MYO1E: variants seen among roughly 807,000 people sequenced by gnomAD.
MYO1E encodes the protein unconventional myosin-Ie.
Under a neutral mutation model 151.1 loss-of-function variants are expected in MYO1E, and 68 were observed. That is an observed-to-expected ratio of 0.45 (90% CI 0.37 to 0.55). The LOEUF is 0.55. Among genes scored for constraint, MYO1E ranks in the 20% least tolerant of loss-of-function variants. The pLI, the probability that MYO1E is intolerant of heterozygous loss-of-function variation, is 0.00. For missense variants in MYO1E, 1,363 were observed against 1,389.3 expected (o/e 0.98, Z 0.30); for synonymous variants, 601 against 501.7 (o/e 1.20, Z -2.64).
At chr15:59,181,673 C>G (rs1036148862) in intron 18 of MYO1E, among the ~76,000 whole-genome samples, 1 of 152,232 alleles carries the variant, frequency 6.6e-6, no homozygotes, top group Non-Finnish European at 1.5e-5. Flanking sequence ...CGAACACACA[C>G]TAAACACACA....
chr15:59,287,851 T>C (rs1232864413), intron 1 of MYO1E, among the ~76,000 whole-genome samples: 3 of 152,208 alleles, frequency 2.0e-5, no homozygotes, highest in African/African-American at 7.2e-5. Context: ...CGGGATAGAC[T>C]CTGGCCACCT....
At chr15:59,306,850 T>G (rs747723) in intron 1 of MYO1E, among the ~76,000 whole-genome samples, 21,818 of 152,228 alleles carry the variant, frequency 0.14, 2,377 homozygotes, top group African/African-American at 0.3. Context: ...TTGCTCATGA[T>G]GTCATTCATC....
At chr15:59,312,858 AAATAAT>A (rs35710505) in intron 1 of MYO1E, among the ~76,000 whole-genome samples, 4 of 150,638 alleles carry the variant, frequency 2.7e-5, no homozygotes, top group African/African-American at 7.3e-5. Flanking sequence ...ACTCTACTAA[AAATAAT>A]AATAATAATA....
chr15:59,326,263 T>C (rs1426799143), intron 1 of MYO1E, among the ~76,000 whole-genome samples: 1 of 151,786 alleles, frequency 6.6e-6, no homozygotes, highest in African/African-American at 2.4e-5. Context: ...CTCACGCCCG[T>C]AATTCCAGCA....
chr15:59,207,465 G>T, intron 14 of MYO1E: 1 of 1,614,016 alleles, frequency 6.2e-7, no homozygotes, highest in Non-Finnish European at 8.5e-7. Context: ...GTATTGTCCA[G>T]TACAGCCCCC....
intron 5 of MYO1E, among the ~76,000 whole-genome samples, chr15:59,232,555 A>G (rs1404369166): frequency 1.3e-5 from 2 of 152,356 alleles, no homozygotes; most frequent in African/African-American, 4.8e-5. Flanking sequence ...AGACAGCTCA[A>G]TAGATAGAAT....
rs2079852564 is a variant in MYO1E, at chr15:59,208,116, T to C, written c.1530+565A>G. 11 of 1,530,654 alleles carry C rather than the reference T, an allele frequency of 7.2e-6. No individual in the cohort carries two copies. The South Asian group carries it at 8.0e-5, about 11-fold the overall frequency. The allele number at this position is 1,530,654 out of a possible 1,614,324, so 94.8% of individuals were successfully genotyped here. On this transcript the variant is annotated intron_variant, in intron 14 of 27. Transcript: ENST00000288235. ...GCCTAAAACTACCATTCCGAAATTA[T>C]TGAAGAGATCATAGATACAGGATTA... is the stretch of plus-strand genomic sequence containing the variant.
intron 26 of MYO1E, among the ~76,000 whole-genome samples, chr15:59,147,621 CAAAA>C (rs1227916351): frequency 1.2e-5 from 1 of 84,212 alleles, no homozygotes; most frequent in African/African-American, 4.1e-5. Context: ...AAAAACAATA[CAAAA>C]AAAAGAAAGG....
intron 6 of MYO1E, 78 bp from the exon 7 acceptor site, chr15:59,227,668 A>G (rs1259500397): frequency 9.8e-6 from 15 of 1,538,196 alleles, no homozygotes; most frequent in African/African-American, 4.1e-5. Flanking sequence ...AATACAGTAT[A>G]TAATTCAAGG....
intron 10 of MYO1E, among the ~76,000 whole-genome samples, chr15:59,215,544 G>A (rs1235798350): frequency 1.3e-5 from 2 of 152,288 alleles, no homozygotes; most frequent in African/African-American, 4.8e-5. Flanking sequence ...TTTGGATAGA[G>A]CGGTTGGTGG....
intron 4 of MYO1E, among the ~76,000 whole-genome samples, chr15:59,251,722 G>A (rs1441312171): frequency 6.6e-6 from 1 of 152,170 alleles, no homozygotes; most frequent in African/African-American, 2.4e-5. Flanking sequence ...TTGCAGTACT[G>A]ACTTGGGAAC....
rs2079965832 is a variant in MYO1E, at chr15:59,223,042, A to G, written c.910+17T>C. ...TAGCCACCCCTCATTCAATGGCCAC[A>G]TGCCAGGGCTACGCACACTCTTCAC... On this transcript the variant is annotated intron_variant, in intron 9 of 27. Coordinates refer to ENST00000288235, the MANE Select transcript of MYO1E (RefSeq NM_004998.4). 1.2e-6 allele frequency: 2 copies of G among 1,613,626 alleles called. No homozygotes were observed. The highest frequency in any genetic ancestry group is 1.7e-6 in the Non-Finnish European group (2 of 1,179,962).
At chr15:59,260,809 T>A (rs2080220111) in intron 3 of MYO1E, among the ~76,000 whole-genome samples, 1 of 152,234 alleles carries the variant, frequency 6.6e-6, no homozygotes. Flanking sequence ...TAGATTTTTG[T>A]GGCATATATG....
chr15:59,270,649 T>A (rs1451659153), intron 2 of MYO1E, among the ~76,000 whole-genome samples: 3 of 152,072 alleles, frequency 2.0e-5, no homozygotes, highest in Admixed American at 1.3e-4. Flanking sequence ...ATTCACTTTT[T>A]TTTTTTGGAG....
At chr15:59,206,660 C>T (rs1253306257) in intron 14 of MYO1E, 2 of 439,364 alleles carry the variant, frequency 4.6e-6, no homozygotes, top group Non-Finnish European at 8.0e-6. Context: ...TCTCGGTTAG[C>T]CTCTTAAGCA....
chr15:59,141,866 G>C (rs2079411833), intron 26 of MYO1E, among the ~76,000 whole-genome samples: 1 of 151,428 alleles, frequency 6.6e-6, no homozygotes, highest in Non-Finnish European at 1.5e-5. Context: ...CCAGCACTTG[G>C]GGAGGCCGAG....
At chr15:59,200,696 A>C (rs772953427) in intron 16 of MYO1E, among the ~76,000 whole-genome samples, 8 of 152,248 alleles carry the variant, frequency 5.3e-5, no homozygotes, top group African/African-American at 9.6e-5. Flanking sequence ...GAAAGAATGT[A>C]GTCAGAGCAT....
At chr15:59,147,412 C>A (rs925193180) in intron 26 of MYO1E, among the ~76,000 whole-genome samples, 2 of 151,902 alleles carry the variant, frequency 1.3e-5, no homozygotes, top group Non-Finnish European at 2.9e-5. Flanking sequence ...CCAGCCTGGC[C>A]AACATGGCGA....
intron 1 of MYO1E, among the ~76,000 whole-genome samples, chr15:59,309,962 C>T (rs1393491860): frequency 1.3e-5 from 2 of 152,190 alleles, no homozygotes; most frequent in African/African-American, 4.8e-5. Context: ...CTCCTTCAGA[C>T]CCACCCCTCG....
Sources: gnomAD v4.1 joint callset for allele counts (sites outside exome capture counted in the v4.1 genomes callset) on GRCh38, gnomAD v4.1.1 for gene constraint, MANE v1.5 for transcripts, NCBI Gene and HGNC (gene_info 2026-07-23, HGNC 2026-07-21) for gene names.